The following TUBGCP3 variants were observed in gnomAD, a reference collection of about 807,000 sequenced individuals.
The protein encoded by TUBGCP3 is gamma-tubulin complex component 3.
TUBGCP3 carries 50 observed loss-of-function variants against 123.1 expected under a neutral mutation model. That is an observed-to-expected ratio of 0.41 (90% CI 0.32 to 0.51). TUBGCP3 has a LOEUF of 0.51. Among genes scored for constraint, TUBGCP3 ranks in the 20% least tolerant of loss-of-function variants. The pLI is 0.36. For synonymous variants in TUBGCP3, 405 were observed against 413.9 expected (o/e 0.98, Z 0.26); for missense variants, 882 against 1,127.0 (o/e 0.78, Z 3.11).
At chr13:112,547,421 A>T in intron 10 of TUBGCP3, 199 bp downstream of exon 10, 1 of 900,500 alleles carries the variant, frequency 1.1e-6, no homozygotes, top group Non-Finnish European at 1.5e-6. Flanking sequence ...CACGGCCATT[A>T]AGGACAAAAA....
chr13:112,488,127 G>T (rs889952177), intron 21 of TUBGCP3, among the ~76,000 whole-genome samples: 10 of 132,734 alleles, frequency 7.5e-5, no homozygotes, highest in Non-Finnish European at 1.2e-4. Context: ...GCAAGACTTG[G>T]TCTCAAAAAA....
At chr13:112,520,913 C>T in intron 14 of TUBGCP3, among the ~76,000 whole-genome samples, 1 of 152,194 alleles carries the variant, frequency 6.6e-6, no homozygotes, top group East Asian at 1.9e-4. Context: ...GAAAAAGACA[C>T]ACAACGTCAA....
At position 112,519,923 on chromosome 13, in the gene TUBGCP3, G is replaced by T. The variant is rs1260253255; in HGVS notation, c.1844C>A (p.Pro615His). Residue 615 changes from proline (P) to histidine (H), a missense_variant, in exon 15 of 22, where the codon CCT becomes CAT. Coordinates refer to ENST00000261965, the MANE Select transcript of TUBGCP3 (RefSeq NM_006322.6). This position sits in a 1 kb window ranked among gnomAD's most constrained non-coding sequence, Gnocchi z 6.2. ...VRATNAQFDS[P>H]EILRRLDVRL... ...CACGTCCAGCCTTCGCAGGATCTCA[G>T]GACTGTCAAACTGTGCGTTGGTGGC... 3.1e-6 allele frequency: 5 copies of T among 1,613,878 alleles called. No individual in the cohort carries two copies. Among genetic ancestry groups the T allele is most frequent in the Non-Finnish European group, 4.2e-6 (5 of 1,179,884 alleles).
At chr13:112,554,838 C>T (rs74846456) in intron 7 of TUBGCP3, 49 bp downstream of exon 7, 1 of 1,364,664 alleles carries the variant, frequency 7.3e-7, no homozygotes, top group Non-Finnish European at 1.0e-6. Context: ...GACTTCATGA[C>T]ATGTTTTTTC....
chr13:112,512,985 G>A (rs968832417), intron 17 of TUBGCP3, among the ~76,000 whole-genome samples: 19 of 152,092 alleles, frequency 1.2e-4, no homozygotes, highest in South Asian at 2.1e-4. Context: ...AACGATGAAC[G>A]CATCCTTGTT....
intron 20 of TUBGCP3, 60 bp downstream of exon 20, chr13:112,498,985 T>C (rs944901381): frequency 1.1e-5 from 17 of 1,614,110 alleles, no homozygotes; most frequent in Non-Finnish European, 1.4e-5. Flanking sequence ...TTTGAGATTA[T>C]CGTGTGTGGC....
At chr13:112,592,761 G>C (rs1352963224), upstream of TUBGCP3, among the ~76,000 whole-genome samples, 2 of 152,206 alleles carry the variant, frequency 1.3e-5, no homozygotes, top group African/African-American at 4.8e-5. This position sits in a 1 kb window ranked among gnomAD's most constrained non-coding sequence, Gnocchi z 4.1. Context: ...GGGCACAGGG[G>C]ATACCCAGGG....
chr13:112,494,831 C>A (rs961088171), intron 20 of TUBGCP3, among the ~76,000 whole-genome samples: 2 of 152,212 alleles, frequency 1.3e-5, no homozygotes, highest in African/African-American at 4.8e-5. Context: ...TGATGTTGAG[C>A]ACCTTTTCAT....
intron 13 of TUBGCP3, 79 bp from the exon 14 acceptor site, chr13:112,522,588 C>A: frequency 6.9e-7 from 1 of 1,442,434 alleles, no homozygotes; most frequent in Non-Finnish European, 9.5e-7. Flanking sequence ...GCACATACAT[C>A]CAGACTCAGG....
At position 112,550,915 on chromosome 13, in the gene TUBGCP3, A is replaced by G. The variant is rs540465764; in HGVS notation, c.967-2739T>C. 5.5e-4 allele frequency among the ~76,000 whole-genome samples: 83 copies of G among 152,264 alleles called. 2 individuals carry two copies. The South Asian group carries it at 5.8e-3, about 11-fold the overall frequency. ...AGATTAAGACCATCCTGGCTAACACAGTGAAACCCCGTCTCTATTAAAAAT... is the reference window on the plus strand; with the variant it reads ...AGATTAAGACCATCCTGGCTAACACGGTGAAACCCCGTCTCTATTAAAAAT... On this transcript the variant is annotated intron_variant, in intron 8 of 21. Coordinates refer to ENST00000261965, the MANE Select transcript of TUBGCP3 (RefSeq NM_006322.6).
chr13:112,542,540 T>C (rs533711437), intron 11 of TUBGCP3, among the ~76,000 whole-genome samples: 1 of 152,320 alleles, frequency 6.6e-6, no homozygotes, highest in South Asian at 2.1e-4. Flanking sequence ...TTCAATAATT[T>C]TATGATACTT....
chr13:112,568,386 C>T (rs1286876444), intron 2 of TUBGCP3, among the ~76,000 whole-genome samples: 5 of 151,632 alleles, frequency 3.3e-5, no homozygotes, highest in African/African-American at 4.9e-5. Context: ...ATTACTGAGA[C>T]CCAAGGCCAA....
At chr13:112,509,945 G>C (rs575443878) in intron 17 of TUBGCP3, among the ~76,000 whole-genome samples, 5 of 152,254 alleles carry the variant, frequency 3.3e-5, no homozygotes, top group African/African-American at 1.2e-4. Context: ...CCAGCACTCT[G>C]AAAATATATT....
At chr13:112,488,253 G>A (rs924206124) in intron 21 of TUBGCP3, among the ~76,000 whole-genome samples, 3 of 151,672 alleles carry the variant, frequency 2.0e-5, no homozygotes, top group East Asian at 3.8e-4. Context: ...ACAAACCCAC[G>A]ATGTTGGAGG....
intron 16 of TUBGCP3, 24 bp from the exon 17 acceptor site, chr13:112,516,599 T>C (rs778419862): frequency 6.2e-7 from 1 of 1,607,902 alleles, no homozygotes; most frequent in African/African-American, 1.3e-5. Context: ...AGAAGACAAG[T>C]TGATAGTATT....
chr13:112,508,633 CTTAAGT>C lies in TUBGCP3; in HGVS notation c.2087-3925_2087-3920del, dbSNP rs1156832938. Among the ~76,000 whole-genome samples the C allele has an allele frequency of 1.3e-5, 2 of 152,170 alleles. No individual in the cohort carries two copies. The highest frequency in any genetic ancestry group is 6.5e-5 in the Admixed American group (1 of 15,274). ...ATCTTTACCTCTAGTCTAGATCTATCTTAAGTTTAAGATCAGTCTGATTAATGGCCT... is the reference window on the plus strand; with the variant it reads ...ATCTTTACCTCTAGTCTAGATCTATCTTAAGATCAGTCTGATTAATGGCCT... On this transcript the variant is annotated intron_variant, in intron 17 of 21. Transcript: ENST00000261965. This position sits in a 1 kb window ranked among gnomAD's most constrained non-coding sequence, Gnocchi z 4.2.
At chr13:112,542,113 T>C (rs1338972182) in intron 11 of TUBGCP3, among the ~76,000 whole-genome samples, 1 of 152,226 alleles carries the variant, frequency 6.6e-6, no homozygotes, top group African/African-American at 2.4e-5. Flanking sequence ...CCACTAAGCA[T>C]GGCTGAGAGT....
chr13:112,563,712 A>T (rs1465171370), intron 3 of TUBGCP3, among the ~76,000 whole-genome samples: 1 of 150,856 alleles, frequency 6.6e-6, no homozygotes, highest in Admixed American at 6.6e-5. Context: ...AAATACCAAA[A>T]AAAAAAAAAA....
rs1485150532 is a variant in TUBGCP3 at position 112,519,102 on chromosome 13, T to A, written c.1882-59A>T. The A allele has an allele frequency of 7.1e-7, 1 of 1,401,476 alleles. No homozygotes were observed. Among genetic ancestry groups the A allele is most frequent in the Non-Finnish European group, 1.0e-6 (1 of 988,030 alleles). The allele number at this position is 1,401,476 out of a possible 1,614,324, so 86.8% of individuals were successfully genotyped here. A position where few individuals can be genotyped will look rare whatever the true frequency, so the allele number is the denominator to read the frequency against. ...CTTAAGCTTCTTGCTGAAGAACTTG[T>A]TAACGCAAAGAAAAAGCAGTAAAAT... On this transcript the variant is annotated intron_variant, in intron 15 of 21. Transcript: ENST00000261965. This position sits in a 1 kb window ranked among gnomAD's most constrained non-coding sequence, Gnocchi z 6.2.
Sources: gnomAD v4.1 joint callset for allele counts (sites outside exome capture counted in the v4.1 genomes callset) on GRCh38, gnomAD v4.1.1 for gene constraint, Gnocchi (gnomAD v3.1) non-coding constraint, MANE v1.5 for transcripts, NCBI Gene and HGNC (gene_info 2026-07-23, HGNC 2026-07-21) for gene names.